The following NKAIN2 variants were observed in gnomAD, a reference collection of about 807,000 sequenced individuals.
NKAIN2 encodes the protein sodium/potassium-transporting ATPase subunit beta-1-interacting protein 2.
Under a neutral mutation model 32.6 loss-of-function variants are expected in NKAIN2, and 14 were observed. The ratio of observed to expected loss-of-function variants is 0.43; its 90% CI spans 0.28 to 0.67. NKAIN2 has a LOEUF of 0.67. NKAIN2 is among the 30% of genes least tolerant of loss of function. NKAIN2 has a pLI of 0.17. For missense variants in NKAIN2, 198 were observed against 258.3 expected (o/e 0.77, Z 1.60); for synonymous variants, 80 against 87.2 (o/e 0.92, Z 0.46).
intron 3 of NKAIN2, among the ~76,000 whole-genome samples, chr6:124,449,765 A>G (rs1776028456): frequency 6.6e-6 from 1 of 152,130 alleles, no homozygotes; most frequent in African/African-American, 2.4e-5. Flanking sequence ...AGTATAATGT[A>G]ACTGAAATAA....
intron 3 of NKAIN2, among the ~76,000 whole-genome samples, chr6:124,632,532 G>A (rs1783610250): frequency 6.6e-6 from 1 of 152,048 alleles, no homozygotes; most frequent in Admixed American, 6.6e-5. Flanking sequence ...TACTTCTTGA[G>A]TGAATACCCC....
intron 1 of NKAIN2, among the ~76,000 whole-genome samples, chr6:124,158,567 G>A (rs1025697545): frequency 2.6e-5 from 4 of 152,148 alleles, no homozygotes; most frequent in Admixed American, 2.6e-4. Flanking sequence ...CAATGAGGTG[G>A]AAGAAGTTTG....
chr6:124,295,433 T>C (rs1028803340), intron 2 of NKAIN2, among the ~76,000 whole-genome samples: 14 of 152,126 alleles, frequency 9.2e-5, no homozygotes, highest in African/African-American at 3.4e-4. Flanking sequence ...TTAGTAAAAC[T>C]AAGACAAACA....
At chr6:124,739,019 A>C (rs897552537) in intron 4 of NKAIN2, among the ~76,000 whole-genome samples, 1 of 151,874 alleles carries the variant, frequency 6.6e-6, no homozygotes, top group African/African-American at 2.4e-5. Context: ...TTAAAGTTTT[A>C]TTTATAGATA....
intron 4 of NKAIN2, among the ~76,000 whole-genome samples, chr6:124,663,801 T>C (rs545877275): frequency 1.5e-3 from 221 of 152,324 alleles, no homozygotes; most frequent in Non-Finnish European, 1.5e-3. Flanking sequence ...TGGTAGACTA[T>C]CTGAAATAAA....
intron 3 of NKAIN2, among the ~76,000 whole-genome samples, chr6:124,510,080 A>G (rs1056368355): frequency 1.3e-5 from 2 of 152,062 alleles, no homozygotes; most frequent in Non-Finnish European, 1.5e-5. Flanking sequence ...CTGTTCCCTG[A>G]CTGGGAACAA....
At chr6:124,468,794 A>G (rs527572746) in intron 3 of NKAIN2, among the ~76,000 whole-genome samples, 6 of 152,300 alleles carry the variant, frequency 3.9e-5, no homozygotes, top group Admixed American at 2.0e-4. Context: ...GAGGCAGAGT[A>G]CAGTTGTGTT....
chr6:124,703,377 A>G (rs893836753), intron 4 of NKAIN2, among the ~76,000 whole-genome samples: 13 of 152,106 alleles, frequency 8.5e-5, no homozygotes, highest in African/African-American at 3.1e-4. Flanking sequence ...ACCGCTTAGC[A>G]TTGTTTCCTT....
intron 2 of NKAIN2, among the ~76,000 whole-genome samples, 164 bp from the exon 3 acceptor site, chr6:124,355,103 C>A (rs1242302132): frequency 6.7e-6 from 1 of 150,208 alleles, no homozygotes; most frequent in Non-Finnish European, 1.5e-5. Context: ...AAAAAAAAAT[C>A]TCAACAGAGA....
At chr6:124,332,574 T>C (rs1234311963) in intron 2 of NKAIN2, among the ~76,000 whole-genome samples, 2 of 151,852 alleles carry the variant, frequency 1.3e-5, no homozygotes, top group African/African-American at 4.8e-5. Flanking sequence ...TAGAGGGCCT[T>C]ATTTTTTTTT....
At chr6:124,680,303 T>G (rs1773554275) in intron 4 of NKAIN2, among the ~76,000 whole-genome samples, 1 of 152,140 alleles carries the variant, frequency 6.6e-6, no homozygotes, top group Non-Finnish European at 1.5e-5. Flanking sequence ...CTGTGGCAGT[T>G]GATGATTTGA....
chr6:124,316,531 C>T (rs9491114), intron 2 of NKAIN2, among the ~76,000 whole-genome samples: 19,005 of 151,968 alleles, frequency 0.13, 1,381 homozygotes, highest in East Asian at 0.24. Context: ...CCAAGAGTCA[C>T]TAGTTTAATT....
At chr6:124,652,175 A>G (rs1416821781) in intron 3 of NKAIN2, among the ~76,000 whole-genome samples, 1 of 152,222 alleles carries the variant, frequency 6.6e-6, no homozygotes, top group African/African-American at 2.4e-5. Flanking sequence ...GGGCATGGAT[A>G]CAATTCAGCA....
At chr6:124,549,638 G>A (rs1023409091) in intron 3 of NKAIN2, among the ~76,000 whole-genome samples, 3 of 152,142 alleles carry the variant, frequency 2.0e-5, no homozygotes, top group African/African-American at 7.2e-5. Context: ...TTGTCATGAT[G>A]CCTTCTCTCC....
At chr6:124,441,951 G>C (rs556979542) in intron 3 of NKAIN2, among the ~76,000 whole-genome samples, 1 of 150,736 alleles carries the variant, frequency 6.6e-6, no homozygotes, top group East Asian at 1.9e-4. Flanking sequence ...GATAATTTTT[G>C]TAAATGGGCC....
intron 1 of NKAIN2, among the ~76,000 whole-genome samples, chr6:124,037,265 T>G (rs558333683): frequency 1.3e-5 from 2 of 152,140 alleles, no homozygotes; most frequent in South Asian, 4.2e-4. Flanking sequence ...TTTGGAAATG[T>G]TTTTTGCCAT....
chr6:124,625,683 A>C (rs1465482790), intron 3 of NKAIN2, among the ~76,000 whole-genome samples: 1 of 145,588 alleles, frequency 6.9e-6, no homozygotes, highest in Non-Finnish European at 1.5e-5. Context: ...ATGAGCACCT[A>C]CTTTGTGCTG....
intron 1 of NKAIN2, among the ~76,000 whole-genome samples, chr6:123,956,947 G>A (rs1033511081): frequency 1.3e-5 from 2 of 152,138 alleles, no homozygotes; most frequent in East Asian, 3.8e-4. Flanking sequence ...TTAAGTTCAG[G>A]AGTACACGGG....
intron 3 of NKAIN2, among the ~76,000 whole-genome samples, chr6:124,627,762 A>G (rs1192459013): frequency 6.6e-6 from 1 of 152,134 alleles, no homozygotes; most frequent in Non-Finnish European, 1.5e-5. Flanking sequence ...TTTCAGCTTT[A>G]GTGCCCCATG....
Sources: allele counts gnomAD v4.1 joint callset (sites outside exome capture counted in the v4.1 genomes callset), GRCh38; gene constraint gnomAD v4.1.1; transcripts MANE v1.5; gene names NCBI Gene and HGNC (gene_info 2026-07-23, HGNC 2026-07-21).